The following DCAF7 variants were observed in gnomAD, a reference collection of about 807,000 sequenced individuals.
The protein encoded by DCAF7 is DDB1- and CUL4-associated factor 7.
A neutral mutation model predicts 41.2 loss-of-function variants in DCAF7; 4 were observed. The observed-to-expected ratio is 0.10, with a 90% confidence interval of 0.05 to 0.22. The LOEUF (loss-of-function observed/expected upper bound fraction) is 0.22, where lower values mean the gene tolerates loss of function less well. Among genes scored for constraint, DCAF7 ranks in the 10% least tolerant of loss-of-function variants. DCAF7 has a pLI of 1.00. For synonymous variants in DCAF7, 143 were observed against 164.2 expected (o/e 0.87, Z 0.99); for missense variants, 131 against 443.2 (o/e 0.30, Z 6.32).
chr17:63,581,735 T>C (rs1598035838), intron 4 of DCAF7, among the ~76,000 whole-genome samples: 1 of 152,190 alleles, frequency 6.6e-6, no homozygotes, highest in Non-Finnish European at 1.5e-5. Flanking sequence ...ACCGGCAGCC[T>C]TGTCTTGAAG....
chr17:63,572,105 A>G (rs1351432951), intron 1 of DCAF7, among the ~76,000 whole-genome samples: 2 of 152,232 alleles, frequency 1.3e-5, no homozygotes, highest in Admixed American at 6.5e-5. Flanking sequence ...GCACTGGACC[A>G]GGAAGACTGT....
At chr17:63,586,793 A>C (rs1015257154) in intron 6 of DCAF7, among the ~76,000 whole-genome samples, 1 of 152,114 alleles carries the variant, frequency 6.6e-6, no homozygotes, top group Non-Finnish European at 1.5e-5. Context: ...GCTGGTTGTC[A>C]ATGCACTTTT....
Position 63,593,527 on chromosome 17 carries a change from G to A in DCAF7, c.*4355G>A, listed in dbSNP as rs780455530. Reference sequence around the variant, plus strand: ...GTTTAAACTCAAGAAGAAAGATGTTGACAGTCTATGTAACAGCTGGAAAGT... The same window carrying A: ...GTTTAAACTCAAGAAGAAAGATGTTAACAGTCTATGTAACAGCTGGAAAGT... On this transcript the variant is annotated 3_prime_UTR_variant, in exon 7 of 7. Transcript: ENST00000614556. 6.6e-6 allele frequency: 1 copy of A among 152,602 alleles called. No individual in the cohort carries two copies. The highest frequency in any genetic ancestry group is 1.5e-5 in the Non-Finnish European group (1 of 68,030). 9.5% of individuals were successfully genotyped at this position (152,602 alleles called of 1,614,324 possible).
At chr17:63,580,507 CTTTTT>C (rs530801174) in intron 4 of DCAF7, among the ~76,000 whole-genome samples, 3 of 43,896 alleles carry the variant, frequency 6.8e-5, no homozygotes, top group African/African-American at 1.1e-4. Flanking sequence ...TTTGTGATTG[CTTTTT>C]TTTTTTTTTT....
chr17:63,577,063 T>C (rs1453001027), intron 1 of DCAF7, among the ~76,000 whole-genome samples: 4 of 152,170 alleles, frequency 2.6e-5, no homozygotes, highest in African/African-American at 9.7e-5. Flanking sequence ...CTCAAGACCA[T>C]CTGATTCTAT....
At chr17:63,560,211 G>T (rs1374640860) in intron 1 of DCAF7, among the ~76,000 whole-genome samples, 1 of 152,142 alleles carries the variant, frequency 6.6e-6, no homozygotes, top group African/African-American at 2.4e-5. Flanking sequence ...TACTGTGTGT[G>T]TGTGTATACA....
At chr17:63,559,352 T>TGTATATATATACAC (rs2033347271) in intron 1 of DCAF7, among the ~76,000 whole-genome samples, 2 of 133,362 alleles carry the variant, frequency 1.5e-5, no homozygotes, top group African/African-American at 6.1e-5. Flanking sequence ...TATATACGTA[T>TGTATATATATACAC]ATATATGTAT....
At chr17:63,573,586 A>G (rs2033530374) in intron 1 of DCAF7, among the ~76,000 whole-genome samples, 2 of 151,982 alleles carry the variant, frequency 1.3e-5, no homozygotes, top group Non-Finnish European at 2.9e-5. Flanking sequence ...AAAAATTAGC[A>G]GGGTACAGTG....
intron 1 of DCAF7, among the ~76,000 whole-genome samples, chr17:63,563,952 A>G (rs1030612114): frequency 6.6e-6 from 1 of 152,180 alleles, no homozygotes; most frequent in Non-Finnish European, 1.5e-5. Context: ...GCTCTGAGGG[A>G]TGTCCATTAT....
intron 1 of DCAF7, among the ~76,000 whole-genome samples, chr17:63,574,066 T>C (rs2033535710): frequency 6.6e-6 from 1 of 152,184 alleles, no homozygotes; most frequent in Non-Finnish European, 1.5e-5. Context: ...GCATCTCCGC[T>C]GCACTCCCAC....
chr17:63,563,644 T>TAAAAC (rs1213339190), intron 1 of DCAF7, among the ~76,000 whole-genome samples: 1 of 151,860 alleles, frequency 6.6e-6, no homozygotes, highest in Non-Finnish European at 1.5e-5. Context: ...CCCATCTCTA[T>TAAAAC]AAAACAAAAC....
At position 63,550,588 on chromosome 17, in the gene DCAF7, C is replaced by T. The variant is rs2147753423; in HGVS notation, c.-90C>T. The T allele has an allele frequency of 1.2e-5, 18 of 1,549,352 alleles. No individual in the cohort carries two copies. The highest frequency in any genetic ancestry group is 2.3e-5 in the East Asian group (1 of 43,922). On this transcript the variant is annotated 5_prime_UTR_variant, in exon 1 of 7. Coordinates refer to ENST00000614556, the MANE Select transcript of DCAF7 (RefSeq NM_005828.5). The surrounding 1 kb of genome is among the most constrained non-coding windows in gnomAD (Gnocchi z 4.8). ...GCCGTTCCTGCCCGCCCCCTCCTCT[C>T]CTCCCTTCGGACCCATAGATCTCAG...
rs1396887526 is a variant in DCAF7 at position 63,593,470 on chromosome 17, A to G, written c.*4298A>G. 6.5e-6 allele frequency: 1 copy of G among 152,672 alleles called. No homozygotes were observed. Among genetic ancestry groups the G allele is most frequent in the East Asian group, 1.9e-4 (1 of 5,200 alleles). 9.5% of individuals were successfully genotyped at this position (152,672 alleles called of 1,614,324 possible). A position where few individuals can be genotyped will look rare whatever the true frequency, so the allele number is the denominator to read the frequency against. Reference sequence around the variant, plus strand: ...CCTTCCCAAAGAGGCTTGGACTGGTATATCCAACGAGAAACAAATAAGCTA... The same window carrying G: ...CCTTCCCAAAGAGGCTTGGACTGGTGTATCCAACGAGAAACAAATAAGCTA... On this transcript the variant is annotated 3_prime_UTR_variant, in exon 7 of 7. Coordinates refer to ENST00000614556, the MANE Select transcript of DCAF7 (RefSeq NM_005828.5).
intron 1 of DCAF7, among the ~76,000 whole-genome samples, chr17:63,563,814 CAAATAAAT>C (rs138884947): frequency 0.014 from 2,072 of 148,716 alleles, 25 homozygotes; most frequent in Middle Eastern, 0.062. Flanking sequence ...GATTCTGTCT[CAAATAAAT>C]AAATAAATAA....
intron 1 of DCAF7, among the ~76,000 whole-genome samples, chr17:63,574,511 CA>C (rs2033540077): frequency 6.6e-6 from 1 of 152,082 alleles, no homozygotes; most frequent in Non-Finnish European, 1.5e-5. Context: ...AAGAGTTAAA[CA>C]TGGATGACAA....
intron 1 of DCAF7, among the ~76,000 whole-genome samples, chr17:63,564,015 A>T (rs192689573): frequency 3.6e-3 from 543 of 152,178 alleles, no homozygotes; most frequent in Non-Finnish European, 5.4e-3. Flanking sequence ...TCATTTTTCT[A>T]AAAGTTGAGG....
At chr17:63,567,503 G>A (rs2033456528) in intron 1 of DCAF7, among the ~76,000 whole-genome samples, 1 of 152,214 alleles carries the variant, frequency 6.6e-6, no homozygotes, top group Non-Finnish European at 1.5e-5. Flanking sequence ...TCTATTGTAA[G>A]TAGTACAATC....
At chr17:63,560,523 T>C (rs2033369115) in intron 1 of DCAF7, among the ~76,000 whole-genome samples, 1 of 152,058 alleles carries the variant, frequency 6.6e-6, no homozygotes, top group Non-Finnish European at 1.5e-5. Context: ...TGTAGAAGAG[T>C]AAACACCTGT....
chr17:63,567,452 A>G (rs936608659), intron 1 of DCAF7, among the ~76,000 whole-genome samples: 2 of 152,206 alleles, frequency 1.3e-5, no homozygotes, highest in African/African-American at 4.8e-5. Flanking sequence ...GGAAAGAGAA[A>G]CTAGGCTGTG....
Sources: allele counts gnomAD v4.1 joint callset (sites outside exome capture counted in the v4.1 genomes callset), GRCh38; gene constraint gnomAD v4.1.1; non-coding constraint Gnocchi (gnomAD v3.1); transcripts MANE v1.5; gene names NCBI Gene and HGNC (gene_info 2026-07-23, HGNC 2026-07-21).